The following TTLL6 variants were observed in gnomAD, a reference collection of about 807,000 sequenced individuals.
TTLL6 encodes tubulin tyrosine ligase like 6, also known as tubulin polyglutamylase TTLL6.
Under a neutral mutation model 96.4 loss-of-function variants are expected in TTLL6, and 75 were observed. The observed-to-expected ratio is 0.78, with a 90% CI of 0.65 to 0.94. TTLL6 has a LOEUF of 0.94. Among genes scored for constraint, TTLL6 ranks in the 40% least tolerant of loss-of-function variants. TTLL6 has a pLI of 0.00. For missense variants in TTLL6, 1,030 were observed against 1,093.0 expected (o/e 0.94, Z 0.81); for synonymous variants, 411 against 419.4 (o/e 0.98, Z 0.24).
intron 3 of TTLL6, 21 bp from the exon 4 acceptor site, chr17:48,801,664 T>C: frequency 6.5e-7 from 1 of 1,535,122 alleles, no homozygotes; most frequent in South Asian, 1.2e-5. Flanking sequence ...AAGAAAGGCC[T>C]ATTAGCCCAG....
rs1464425749 is a variant in TTLL6 at position 48,769,856 on chromosome 17, G to A, written c.2282C>T (p.Thr761Ile). Residue 761 changes from threonine to isoleucine, a missense_variant, in exon 14 of 16, where the codon ACT becomes ATT. By Grantham distance (89) the Thr-to-Ile change is moderately conservative. Coordinates refer to ENST00000393382, the MANE Select transcript of TTLL6 (RefSeq NM_001130918.3). ...SFWESPNTNW[T>I]LLKSDMNKPH... ...CTTGTTCATGTCACTCTTTAGCAAA[G>A]TCCAGTTTGTGTTCGGACTCTCCCA... 3 of 1,614,226 alleles carry A rather than the reference G, an allele frequency of 1.9e-6. No homozygotes were observed. The highest frequency in any genetic ancestry group is 1.7e-5 in the Admixed American group (1 of 60,024).
chr17:48,798,103 G>T (rs1204332480), intron 6 of TTLL6, among the ~76,000 whole-genome samples: 1 of 151,552 alleles, frequency 6.6e-6, no homozygotes, highest in Non-Finnish European at 1.5e-5. Context: ...GTGAGACCCT[G>T]TCTCAAAAAA....
rs769560277 is a variant in TTLL6, at chr17:48,817,095, C to G, written c.-23G>C. The G allele has an allele frequency of 5.7e-4, 862 of 1,524,212 alleles. 1 individual carries two copies. Among genetic ancestry groups the G allele is most frequent in the Non-Finnish European group, 7.3e-4 (829 of 1,135,366 alleles). 94.4% of individuals were successfully genotyped at this position (1,524,212 alleles called of 1,614,324 possible). A position where few individuals can be genotyped will look rare whatever the true frequency, so the allele number is the denominator to read the frequency against. On this transcript the variant is annotated 5_prime_UTR_variant, in exon 1 of 16. Transcript: ENST00000393382. The stretch of plus-strand genomic sequence containing the variant: ...CATTGGCTGCCAGACAGCCCCAACC[C>G]CAACCCGCGCTCGCCCTAACTTTGG...
At chr17:48,764,774 G>A (rs1038317929) in intron 15 of TTLL6, among the ~76,000 whole-genome samples, 2 of 152,000 alleles carry the variant, frequency 1.3e-5, no homozygotes, top group Non-Finnish European at 2.9e-5. Flanking sequence ...TTTATGGTCC[G>A]ATTAGTTTGG....
chr17:48,767,844 T>C lies in TTLL6; in HGVS notation c.*1145A>G, dbSNP rs568728690. Among the ~76,000 whole-genome samples, 215 of 152,238 alleles carry C rather than the reference T, an allele frequency of 1.4e-3. 1 individual carries two copies. Among genetic ancestry groups the C allele is most frequent in the African/African-American group, 5.1e-3 (213 of 41,548 alleles). The stretch of plus-strand genomic sequence containing the variant: ...AAAGGCCTTTGGTTCCACATCTCAG[T>C]CTCTGCTGTCCTGTTGCTCTGTCCC... On this transcript the variant is annotated intron_variant, in intron 15 of 15. Coordinates refer to ENST00000393382, the MANE Select transcript of TTLL6 (RefSeq NM_001130918.3).
Position 48,769,990 on chromosome 17 carries a change from T to G in TTLL6, c.2148A>C (p.Pro716=), listed in dbSNP as rs779692660. The G allele has an allele frequency of 2.2e-5, 35 of 1,614,034 alleles. No homozygotes were observed. Among genetic ancestry groups the G allele is most frequent in the Non-Finnish European group, 2.8e-5 (33 of 1,180,046 alleles). Residue 716 remains proline (P), a synonymous_variant, in exon 14 of 16, where the codon CCA becomes CCC. Transcript: ENST00000393382. ...AVTASSEYSG[P]ETDRVVSFKC... is the part of the protein sequence containing the mutation. ...TAAAGGATACCACCCTGTCCGTCTC[T>G]GGGCCACTGTACTCAGAGCTGGCGG...
intron 11 of TTLL6, 106 bp downstream of exon 11, chr17:48,787,705 A>G: frequency 8.3e-7 from 1 of 1,207,414 alleles, no homozygotes; most frequent in African/African-American, 1.5e-5. Flanking sequence ...TGCTCTGGCA[A>G]CTTTCATGGC....
chr17:48,764,456 GCAT>G (rs532761941), intron 15 of TTLL6, among the ~76,000 whole-genome samples: 105 of 152,222 alleles, frequency 6.9e-4, no homozygotes, highest in Non-Finnish European at 1.2e-3. Context: ...TGCAAACTGG[GCAT>G]AAGGTAATAA....
chr17:48,767,937 C>A (rs181269920), intron 15 of TTLL6, among the ~76,000 whole-genome samples: 49 of 152,276 alleles, frequency 3.2e-4, no homozygotes, highest in African/African-American at 1.1e-3. Context: ...GGCGGCATAG[C>A]TTGAAGGATG....
At chr17:48,768,028 G>C (rs1040372615) in intron 15 of TTLL6, among the ~76,000 whole-genome samples, 2 of 152,148 alleles carry the variant, frequency 1.3e-5, no homozygotes, top group African/African-American at 4.8e-5. Context: ...GCCATAAGTG[G>C]AAGACAAGGC....
intron 8 of TTLL6, among the ~76,000 whole-genome samples, chr17:48,793,591 C>T (rs931366348): frequency 6.8e-6 from 1 of 147,664 alleles, no homozygotes; most frequent in Non-Finnish European, 1.5e-5. Context: ...AGCAAGATTC[C>T]GTCTCAAGAA....
chr17:48,792,651 G>C (rs540109725), intron 8 of TTLL6, among the ~76,000 whole-genome samples: 1 of 152,238 alleles, frequency 6.6e-6, no homozygotes, highest in South Asian at 2.1e-4. Flanking sequence ...CTCTGTCATG[G>C]GAAGCCTCAG....
rs1368992508 is a variant in TTLL6, at chr17:48,781,190, G to T, written c.2040+3733C>A. On this transcript the variant is annotated intron_variant, in intron 13 of 15. Coordinates refer to ENST00000393382, the MANE Select transcript of TTLL6 (RefSeq NM_001130918.3). Reference sequence around the variant, plus strand: ...GCCTCCCGAGGAGCTGGCATTACATGTATATGCCACTATGCCTGGCTAATT... The same window carrying T: ...GCCTCCCGAGGAGCTGGCATTACATTTATATGCCACTATGCCTGGCTAATT... 3.9e-5 allele frequency among the ~76,000 whole-genome samples: 6 copies of T among 152,080 alleles called. No individual in the cohort carries two copies. In the East Asian group the frequency reaches 1.2e-3, roughly 29 times the overall value.
intron 10 of TTLL6, among the ~76,000 whole-genome samples, chr17:48,789,245 A>C (rs1182723199): frequency 3.9e-5 from 6 of 152,218 alleles, no homozygotes; most frequent in African/African-American, 7.2e-5. Context: ...TCTAGGAACA[A>C]AGGAATATTC....
At chr17:48,799,559 G>A (rs1410587938) in intron 6 of TTLL6, 45 bp downstream of exon 6, 32 of 1,533,996 alleles carry the variant, frequency 2.1e-5, no homozygotes, top group Admixed American at 1.2e-4. Flanking sequence ...GCTAAAGTCC[G>A]CGGTTGCTGT....
chr17:48,815,750 G>A (rs1276343442), intron 1 of TTLL6: 2 of 152,216 alleles, frequency 1.3e-5, no homozygotes, highest in African/African-American at 4.8e-5. Flanking sequence ...CAAGGGCTTT[G>A]CCAATAAGAA....
intron 13 of TTLL6, 110 bp from the exon 14 acceptor site, chr17:48,770,207 G>A: frequency 7.0e-7 from 1 of 1,430,466 alleles, no homozygotes; most frequent in Non-Finnish European, 9.2e-7. Context: ...ATGCTGCCCA[G>A]GCTGGCCTCA....
intron 13 of TTLL6, among the ~76,000 whole-genome samples, chr17:48,779,943 A>G (rs1294413252): frequency 6.6e-6 from 1 of 152,156 alleles, no homozygotes; most frequent in Non-Finnish European, 1.5e-5. Flanking sequence ...CCTGGGAAGA[A>G]ACAGGAGGAA....
intron 11 of TTLL6, 139 bp from the exon 12 acceptor site, chr17:48,786,474 A>C: frequency 1.0e-6 from 1 of 976,250 alleles, no homozygotes; most frequent in Non-Finnish European, 1.6e-6. Context: ...CAGTCTGCAC[A>C]AGTGATTGAA....
Sources: gnomAD v4.1 joint callset for allele counts (sites outside exome capture counted in the v4.1 genomes callset) on GRCh38, gnomAD v4.1.1 for gene constraint, MANE v1.5 for transcripts, NCBI Gene and HGNC (gene_info 2026-07-23, HGNC 2026-07-21) for gene names.